The following COL24A1 variants were observed in gnomAD, a reference collection of about 807,000 sequenced individuals.
COL24A1 encodes the protein collagen alpha-1(XXIV) chain.
COL24A1 carries 224 observed loss-of-function variants against 253.9 expected under a neutral mutation model. That is an observed-to-expected ratio of 0.88 (90% CI 0.79 to 0.99). The LOEUF is 0.99. Among genes scored for constraint, COL24A1 ranks in the 50% least tolerant of loss-of-function variants. The pLI, the probability that COL24A1 is intolerant of heterozygous loss-of-function variation, is 0.00. For missense variants in COL24A1, 2,131 were observed against 2,068.5 expected (o/e 1.03, Z -0.59); for synonymous variants, 685 against 673.7 (o/e 1.02, Z -0.26).
chr1:85,827,960 C>G (rs1674615360), intron 43 of COL24A1, among the ~76,000 whole-genome samples: 1 of 151,942 alleles, frequency 6.6e-6, no homozygotes, highest in Non-Finnish European at 1.5e-5. Context: ...TTGCCTTCTG[C>G]TAGCTTTTGA....
intron 47 of COL24A1, among the ~76,000 whole-genome samples, chr1:85,796,874 A>C (rs1440318691): frequency 6.6e-6 from 1 of 152,064 alleles, no homozygotes; most frequent in African/African-American, 2.4e-5. Context: ...TTTTAAACCC[A>C]GGTCTCCAAG....
chr1:85,872,760 T>A (rs1432128721), intron 35 of COL24A1, among the ~76,000 whole-genome samples: 2 of 152,164 alleles, frequency 1.3e-5, no homozygotes, highest in Non-Finnish European at 1.5e-5. Flanking sequence ...GGCATTACCA[T>A]TCAGGACATA....
At chr1:85,876,117 G>T in intron 33 of COL24A1, among the ~76,000 whole-genome samples, 1 of 152,014 alleles carries the variant, frequency 6.6e-6, no homozygotes, top group South Asian at 2.1e-4. Context: ...TAAAGGAAAC[G>T]AATGATATAA....
intron 38 of COL24A1, among the ~76,000 whole-genome samples, chr1:85,848,390 AC>A (rs1238235050): frequency 1.4e-4 from 22 of 152,078 alleles, no homozygotes; most frequent in African/African-American, 5.3e-4. Flanking sequence ...GTTCACTGCA[AC>A]CTCTGCCTCC....
intron 14 of COL24A1, among the ~76,000 whole-genome samples, chr1:86,025,185 C>G (rs1009531457): frequency 6.6e-6 from 1 of 152,132 alleles, no homozygotes. Flanking sequence ...ACCAAGGTAA[C>G]CTGAAAGTCC....
At chr1:86,090,515 C>CCATA (rs1178752170) in intron 6 of COL24A1, among the ~76,000 whole-genome samples, 6 of 152,106 alleles carry the variant, frequency 3.9e-5, no homozygotes, top group Non-Finnish European at 8.8e-5. Flanking sequence ...TCACCATTGA[C>CCATA]CATACATTTA....
intron 2 of COL24A1, among the ~76,000 whole-genome samples, chr1:86,135,752 G>A (rs7531153): frequency 0.92 from 140,477 of 152,064 alleles, 65,921 homozygotes; most frequent in Non-Finnish European, 1. Context: ...CTTTCTTTGT[G>A]TAGGTGATAA....
chr1:85,979,240 A>T (rs1447367599), intron 20 of COL24A1, among the ~76,000 whole-genome samples: 3 of 152,216 alleles, frequency 2.0e-5, no homozygotes, highest in Non-Finnish European at 4.4e-5. Context: ...AAAAAGTCTG[A>T]AAGAGCACAA....
intron 43 of COL24A1, 108 bp from the exon 44 acceptor site, chr1:85,823,846 A>G: frequency 1.1e-6 from 1 of 946,168 alleles, no homozygotes; most frequent in Non-Finnish European, 1.7e-6. Flanking sequence ...GCTCAACTTA[A>G]ATGTCGTAGA....
intron 46 of COL24A1, among the ~76,000 whole-genome samples, chr1:85,817,381 G>T (rs541225135): frequency 4.6e-4 from 70 of 151,914 alleles, no homozygotes; most frequent in African/African-American, 1.6e-3. Context: ...TCTACACTTG[G>T]GCAACTAAAT....
At chr1:85,793,640 T>C (rs962028106) in intron 47 of COL24A1, among the ~76,000 whole-genome samples, 3 of 152,176 alleles carry the variant, frequency 2.0e-5, no homozygotes, top group African/African-American at 7.2e-5. Flanking sequence ...ATATTTGTTT[T>C]AATTTTCCAT....
chr1:85,744,931 G>A, intron 56 of COL24A1, 97 bp from the exon 57 acceptor site: 1 of 871,600 alleles, frequency 1.1e-6, no homozygotes, highest in Non-Finnish European at 1.8e-6. Flanking sequence ...TGTGTAGTAA[G>A]TTGTGAGTAG....
At chr1:86,080,405 A>G (rs1020761448) in intron 7 of COL24A1, among the ~76,000 whole-genome samples, 2 of 152,190 alleles carry the variant, frequency 1.3e-5, no homozygotes, top group Non-Finnish European at 2.9e-5. Flanking sequence ...ATAATAATTT[A>G]ATTGTATAAT....
At chr1:85,732,999 A>G (rs537853112) in intron 59 of COL24A1, among the ~76,000 whole-genome samples, 1 of 152,312 alleles carries the variant, frequency 6.6e-6, no homozygotes, top group Admixed American at 6.5e-5. Context: ...GGAGTTGATA[A>G]GTTTGAATTG....
chr1:85,940,056 T>G (rs188172246), intron 24 of COL24A1, among the ~76,000 whole-genome samples: 55 of 152,298 alleles, frequency 3.6e-4, no homozygotes, highest in Non-Finnish European at 6.9e-4. Context: ...ACACTGGGGA[T>G]GAATTGAAGA....
intron 5 of COL24A1, among the ~76,000 whole-genome samples, chr1:86,099,848 A>G (rs12745520): frequency 0.05 from 7,612 of 152,224 alleles, 226 homozygotes; most frequent in Middle Eastern, 0.085. Context: ...GTATCCTAGA[A>G]TATTACTGGA....
intron 20 of COL24A1, 128 bp downstream of exon 20, chr1:85,987,473 T>C: frequency 1.2e-6 from 1 of 802,778 alleles, no homozygotes; most frequent in African/African-American, 1.8e-5. Flanking sequence ...GTTTATTAAA[T>C]GTACCTGAGA....
chr1:85,916,379 C>T (rs2102972927), intron 24 of COL24A1, among the ~76,000 whole-genome samples: 1 of 152,256 alleles, frequency 6.6e-6, no homozygotes, highest in East Asian at 1.9e-4. Flanking sequence ...GAGGTTCTCA[C>T]TAAAAAGTAG....
At chr1:86,101,592 A>T (rs1200723049) in intron 5 of COL24A1, among the ~76,000 whole-genome samples, 1 of 152,200 alleles carries the variant, frequency 6.6e-6, no homozygotes, top group Non-Finnish European at 1.5e-5. Context: ...AGTTTTTAAC[A>T]TGAAGGGGTG....
Sources: gnomAD v4.1 joint callset for allele counts (sites outside exome capture counted in the v4.1 genomes callset) on GRCh38, gnomAD v4.1.1 for gene constraint, MANE v1.5 for transcripts, NCBI Gene and HGNC (gene_info 2026-07-23, HGNC 2026-07-21) for gene names.